Variants in RB1 observed in about 807,000 individuals in gnomAD.
The protein encoded by RB1 is retinoblastoma-associated protein.
RB1 carries 18 observed loss-of-function variants against 135.4 expected under a neutral mutation model. The observed-to-expected ratio is 0.13, with a 90% confidence interval of 0.09 to 0.20. The LOEUF (loss-of-function observed/expected upper bound fraction) is 0.20. Ranked by LOEUF, RB1 falls within the 10% of genes least tolerant of loss-of-function variation. RB1 has a pLI of 1.00. For synonymous variants in RB1, 365 were observed against 373.2 expected, an observed-to-expected ratio of 0.98 and a Z score of 0.25; for missense variants, 868 against 1,110.0, an observed-to-expected ratio of 0.78 and a Z score of 3.10.
At chr13:48,456,429 A>G in intron 19 of RB1, 80 bp downstream of exon 19, 1 of 1,556,910 alleles carries the variant, frequency 6.4e-7, no homozygotes, top group Admixed American at 1.9e-5. Context: ...TCTACTTTCT[A>G]GGTACATTAC....
chr13:48,408,764 CT>C (rs1301182624), intron 17 of RB1: 3 of 152,090 alleles, frequency 2.0e-5, no homozygotes, highest in Non-Finnish European at 4.4e-5. Context: ...ATTCATTTAT[CT>C]TCCTGTTGAC....
At chr13:48,342,831 G>A (rs1952459245) in intron 3 of RB1, 117 bp downstream of exon 3, 3 of 714,616 alleles carry the variant, frequency 4.2e-6, no homozygotes, top group Non-Finnish European at 7.1e-6. Context: ...AAAACAAAAA[G>A]AACTTGGACC....
At chr13:48,435,879 A>G (rs1949178244) in intron 17 of RB1, among the ~76,000 whole-genome samples, 1 of 152,200 alleles carries the variant, frequency 6.6e-6, no homozygotes, top group Admixed American at 6.5e-5. Context: ...AGATGAGACA[A>G]ATAGATGTAG....
intron 17 of RB1, among the ~76,000 whole-genome samples, chr13:48,405,957 T>C (rs964680536): frequency 6.6e-6 from 1 of 152,242 alleles, no homozygotes; most frequent in Non-Finnish European, 1.5e-5. Flanking sequence ...TATCAATTTA[T>C]AGAGATATTT....
At chr13:48,432,720 G>T (rs1200535344) in intron 17 of RB1, among the ~76,000 whole-genome samples, 1 of 151,786 alleles carries the variant, frequency 6.6e-6, no homozygotes, top group Admixed American at 6.6e-5. Context: ...TCAATTATTT[G>T]TCCTAACTAT....
chr13:48,372,650 C>CAA (rs60724332), intron 11 of RB1, among the ~76,000 whole-genome samples: 13 of 129,100 alleles, frequency 1.0e-4, no homozygotes, highest in African/African-American at 2.5e-4. Flanking sequence ...GGCTCCTTCT[C>CAA]AAAAAAAAAA....
chr13:48,422,654 G>A (rs1949023844), intron 17 of RB1: 1 of 152,062 alleles, frequency 6.6e-6, no homozygotes, highest in African/African-American at 2.4e-5. Context: ...AATTACCTGG[G>A]TGTGGTGATG....
Position 48,337,127 on chromosome 13 carries a change from G to A in RB1, c.265-5472G>A, listed in dbSNP as rs531690747. 3.2e-4 allele frequency among the ~76,000 whole-genome samples: 49 copies of A among 152,200 alleles called. No individual in the cohort carries two copies. In the East Asian group the frequency reaches 9.3e-3, roughly 29 times the overall value. The stretch of plus-strand genomic sequence containing the variant: ...CTATGTGGTCAATTTTGGAATAAGT[G>A]TGATATGCTGAGAAGAATGTATATT... On this transcript the variant is annotated intron_variant, in intron 2 of 26. Transcript: ENST00000267163.
chr13:48,355,049 A>G (rs1168992345), intron 6 of RB1, among the ~76,000 whole-genome samples: 1 of 152,134 alleles, frequency 6.6e-6, no homozygotes, highest in African/African-American at 2.4e-5. Flanking sequence ...CAGTCAACCA[A>G]AGCAAAAATG....
intron 17 of RB1, among the ~76,000 whole-genome samples, chr13:48,407,776 G>A (rs76873867): frequency 0.052 from 7,841 of 152,104 alleles, 674 homozygotes; most frequent in African/African-American, 0.17. Context: ...TAAAAAGTTT[G>A]TTTTTGGAGT....
intron 1 of RB1, among the ~76,000 whole-genome samples, chr13:48,304,628 A>G (rs1028858908): frequency 2.8e-4 from 42 of 152,332 alleles, no homozygotes; most frequent in African/African-American, 9.6e-4. Context: ...GCGTTTCCTT[A>G]GAACAATAAT....
At chr13:48,378,524 A>T (rs1351740146) in intron 13 of RB1, among the ~76,000 whole-genome samples, 2 of 151,842 alleles carry the variant, frequency 1.3e-5, no homozygotes, top group East Asian at 3.9e-4. Flanking sequence ...TATGATGATG[A>T]TGCTATCTTC....
At chr13:48,372,134 G>A (rs915124642) in intron 11 of RB1, among the ~76,000 whole-genome samples, 1 of 152,176 alleles carries the variant, frequency 6.6e-6, no homozygotes, top group African/African-American at 2.4e-5. Context: ...TAGAGAATGG[G>A]AAAGTATGAT....
chr13:48,378,565 G>A (rs1003777002), intron 13 of RB1, among the ~76,000 whole-genome samples: 1 of 151,560 alleles, frequency 6.6e-6, no homozygotes, highest in Non-Finnish European at 1.5e-5. Flanking sequence ...CTGCCTGAGG[G>A]TGTTTTACAT....
At position 48,442,324 on chromosome 13, in the gene RB1, C is replaced by T. The variant is rs1324372800; in HGVS notation, c.1696-10669C>T. Among the ~76,000 whole-genome samples the T allele has an allele frequency of 2.0e-5, 3 of 152,242 alleles. No individual in the cohort carries two copies. In the East Asian group the frequency reaches 5.8e-4, roughly 29 times the overall value. ...CACGCCATTCTCCTTCCTCAGCCTCCCGAGTAGCTGGGACTACAGGCGCAT... is the reference window on the plus strand; with the variant it reads ...CACGCCATTCTCCTTCCTCAGCCTCTCGAGTAGCTGGGACTACAGGCGCAT... On this transcript the variant is annotated intron_variant, in intron 17 of 26. Transcript: ENST00000267163.
intron 17 of RB1, chr13:48,445,356 G>T (rs888644154): frequency 6.6e-6 from 1 of 152,128 alleles, no homozygotes; most frequent in Non-Finnish European, 1.5e-5. Flanking sequence ...GTTGTAATTG[G>T]TTTACTGTTT....
chr13:48,464,617 G>A (rs1036166427), intron 21 of RB1, among the ~76,000 whole-genome samples: 2 of 152,138 alleles, frequency 1.3e-5, no homozygotes, highest in Non-Finnish European at 1.5e-5. Context: ...CCAAATATTG[G>A]TGGATAATAT....
intron 17 of RB1, among the ~76,000 whole-genome samples, chr13:48,417,908 C>G (rs1948940229): frequency 6.6e-6 from 1 of 152,110 alleles, no homozygotes; most frequent in African/African-American, 2.4e-5. Context: ...TTGATTGTCC[C>G]TGTACCTGAA....
At chr13:48,358,590 A>G (rs898375889) in intron 6 of RB1, among the ~76,000 whole-genome samples, 1 of 152,158 alleles carries the variant, frequency 6.6e-6, no homozygotes, top group Non-Finnish European at 1.5e-5. Context: ...TCTTTTTTCT[A>G]TAGCAGGATT....
Sources: allele counts gnomAD v4.1 joint callset (sites outside exome capture counted in the v4.1 genomes callset), GRCh38; gene constraint gnomAD v4.1.1; transcripts MANE v1.5; gene names NCBI Gene and HGNC (gene_info 2026-07-23, HGNC 2026-07-21).